NCKAP5: variants seen among roughly 807,000 people sequenced by gnomAD.
NCKAP5 encodes nck-associated protein 5.
In NCKAP5, 92 loss-of-function variants were observed where a neutral mutation model predicts 167.0. That is an observed-to-expected ratio of 0.55 (90% CI 0.47 to 0.66). The LOEUF (loss-of-function observed/expected upper bound fraction) is 0.66. Among genes scored for constraint, NCKAP5 ranks in the 30% least tolerant of loss-of-function variants. The pLI is 0.00. For missense variants in NCKAP5, 2,378 were observed against 2,315.0 expected (o/e 1.03, Z -0.56); for synonymous variants, 891 against 877.4 (o/e 1.02, Z -0.27).
At chr2:133,321,779 T>A (rs888806278) in intron 3 of NCKAP5, among the ~76,000 whole-genome samples, 21 of 152,174 alleles carry the variant, frequency 1.4e-4, no homozygotes, top group African/African-American at 4.8e-4. Flanking sequence ...TAACCCAATA[T>A]TCCCTAGCCA....
At chr2:133,487,650 C>G (rs145414068) in intron 3 of NCKAP5, among the ~76,000 whole-genome samples, 1 of 152,078 alleles carries the variant, frequency 6.6e-6, no homozygotes, top group African/African-American at 2.4e-5. Context: ...GTATCAGTCC[C>G]CTGGAGAAGG....
rs756783080 is a variant in NCKAP5 at position 132,784,785 on chromosome 2, C to T, written c.2026G>A (p.Gly676Ser). The change falls in exon 14 of 20, where the codon GGT becomes AGT. Residue 676 changes from glycine to serine, a missense_variant. Transcript: ENST00000409261. ...CVTVIFDAED[G>S]EPIEFSSHQT... ...TGAGAGCTGAATTCAATGGGCTCAC[C>T]GTCTTCCGCATCAAATATCACAGTC... 7.5e-6 allele frequency: 12 copies of T among 1,604,552 alleles called. No homozygotes were observed. Among genetic ancestry groups the T allele is most frequent in the South Asian group, 3.3e-5 (3 of 89,882 alleles).
At chr2:133,551,317 G>A (rs1230736040) in intron 2 of NCKAP5, among the ~76,000 whole-genome samples, 547 of 132,774 alleles carry the variant, frequency 4.1e-3, no homozygotes, top group East Asian at 0.015. Flanking sequence ...CAAAGCTGGA[G>A]GCATCACACT....
intron 3 of NCKAP5, among the ~76,000 whole-genome samples, chr2:133,470,768 G>T (rs989143244): frequency 1.3e-5 from 2 of 152,182 alleles, no homozygotes; most frequent in Admixed American, 1.3e-4. Context: ...GGAGTGACCC[G>T]ATTTTCCAGG....
intron 8 of NCKAP5, among the ~76,000 whole-genome samples, chr2:132,926,716 T>C (rs186117252): frequency 1.6e-4 from 24 of 152,344 alleles, no homozygotes; most frequent in Admixed American, 1.2e-3. Context: ...CACTTTTTAA[T>C]GGGGTTATTT....
intron 3 of NCKAP5, among the ~76,000 whole-genome samples, chr2:133,474,863 T>C (rs1008942686): frequency 2.0e-5 from 3 of 151,970 alleles, no homozygotes; most frequent in African/African-American, 4.8e-5. Flanking sequence ...CAGGCTAGAG[T>C]GCAGTGGCAC....
chr2:133,404,642 G>A (rs1559457549), intron 3 of NCKAP5, among the ~76,000 whole-genome samples: 2 of 152,160 alleles, frequency 1.3e-5, no homozygotes. Flanking sequence ...CTAGGTAAGC[G>A]AGGACTACTG....
intron 16 of NCKAP5, among the ~76,000 whole-genome samples, chr2:132,734,998 G>A (rs112873268): frequency 3.5e-4 from 54 of 152,330 alleles, no homozygotes; most frequent in African/African-American, 1.3e-3. Context: ...TTCTAGCTTG[G>A]TTCCTGGGCT....
intron 16 of NCKAP5, among the ~76,000 whole-genome samples, chr2:132,772,658 T>C (rs1398015080): frequency 6.6e-6 from 1 of 152,224 alleles, no homozygotes; most frequent in Non-Finnish European, 1.5e-5. Context: ...ACAACTATAA[T>C]AAAGGATGTC....
intron 5 of NCKAP5, among the ~76,000 whole-genome samples, chr2:133,133,074 A>G (rs2082669462): frequency 6.6e-6 from 1 of 152,164 alleles, no homozygotes; most frequent in African/African-American, 2.4e-5. Flanking sequence ...ATATAAATTG[A>G]TCTATCCCCA....
intron 4 of NCKAP5, among the ~76,000 whole-genome samples, chr2:133,296,340 T>TCCCCCCC (rs1559360468): frequency 6.7e-5 from 10 of 150,340 alleles, no homozygotes; most frequent in Non-Finnish European, 1.5e-4. Flanking sequence ...TTCTCTAACA[T>TCCCCCCC]CCCCACCCCC....
intron 6 of NCKAP5, among the ~76,000 whole-genome samples, chr2:133,114,470 A>T (rs1387607770): frequency 6.6e-6 from 1 of 152,206 alleles, no homozygotes; most frequent in Non-Finnish European, 1.5e-5. Context: ...ATGTCTTTTA[A>T]ATATGTCTTT....
At chr2:132,847,257 G>A (rs1336170311) in intron 11 of NCKAP5, among the ~76,000 whole-genome samples, 1 of 152,144 alleles carries the variant, frequency 6.6e-6, no homozygotes, top group Non-Finnish European at 1.5e-5. Flanking sequence ...TAATTAAATA[G>A]TTATTATTGG....
chr2:133,622,554 C>G, the NCKAP5 span, among the ~76,000 whole-genome samples: 1 of 151,296 alleles, frequency 6.6e-6, no homozygotes, highest in Non-Finnish European at 1.5e-5. Context: ...AACACAAAAA[C>G]AAAAACAAAA....
intron 3 of NCKAP5, among the ~76,000 whole-genome samples, chr2:133,399,295 G>A (rs956286115): frequency 3.3e-5 from 5 of 152,130 alleles, no homozygotes; most frequent in South Asian, 2.1e-4. Context: ...GTGGAAAAGC[G>A]GGGGAATCAA....
intron 8 of NCKAP5, among the ~76,000 whole-genome samples, chr2:132,955,643 C>G (rs768391727): frequency 1.3e-5 from 2 of 152,062 alleles, no homozygotes; most frequent in Non-Finnish European, 2.9e-5. Flanking sequence ...TTTATAGTAG[C>G]ATGATTTATA....
chr2:133,280,798 G>C (rs113944995), intron 4 of NCKAP5, among the ~76,000 whole-genome samples: 4 of 152,162 alleles, frequency 2.6e-5, no homozygotes, highest in African/African-American at 9.7e-5. Flanking sequence ...CGTATCCTTT[G>C]TGGGTGTTCT....
chr2:133,100,816 G>A (rs2149677896), intron 6 of NCKAP5, among the ~76,000 whole-genome samples: 1 of 152,048 alleles, frequency 6.6e-6, no homozygotes, highest in Admixed American at 6.5e-5. Flanking sequence ...TCCCAGTACA[G>A]ATGTGAGATT....
rs1414790346 is a variant in NCKAP5, at chr2:133,435,648, C to T, written c.69+81810G>A. Among the ~76,000 whole-genome samples the T allele has an allele frequency of 2.0e-5, 3 of 152,064 alleles. No individual in the cohort carries two copies. In the East Asian group the frequency reaches 5.8e-4, roughly 29 times the overall value. On this transcript the variant is annotated intron_variant, in intron 3 of 19. Coordinates refer to ENST00000409261, the MANE Select transcript of NCKAP5 (RefSeq NM_207363.3). ...ACAGCAAAGTTAGAGAAGGTGCTGG[C>T]CTACAAAGGTTTTAGTTAAAAAAAG...
Sources: allele counts gnomAD v4.1 joint callset (sites outside exome capture counted in the v4.1 genomes callset), GRCh38; gene constraint gnomAD v4.1.1; transcripts MANE v1.5; gene names NCBI Gene and HGNC (gene_info 2026-07-23, HGNC 2026-07-21).